TXNDC11: variants seen among roughly 807,000 people sequenced by gnomAD.
TXNDC11 encodes thioredoxin domain-containing protein 11.
TXNDC11 carries 68 observed loss-of-function variants against 78.0 expected under a neutral mutation model. The observed-to-expected ratio is 0.87, with a 90% CI of 0.72 to 1.07. The LOEUF (loss-of-function observed/expected upper bound fraction) is 1.07, where lower values mean the gene tolerates loss of function less well. Ranked by LOEUF, TXNDC11 falls within the 50% of genes least tolerant of loss-of-function variation. The pLI, the probability that TXNDC11 is intolerant of heterozygous loss-of-function variation, is 0.00. For synonymous variants in TXNDC11, 571 were observed against 495.2 expected (o/e 1.15, Z -2.03); for missense variants, 1,389 against 1,221.8 (o/e 1.14, Z -2.04).
chr16:11,702,064 GTA>G (rs1402142137), intron 5 of TXNDC11, among the ~76,000 whole-genome samples: 21 of 137,694 alleles, frequency 1.5e-4, no homozygotes, highest in Admixed American at 4.9e-4. Context: ...TTATGTGTGT[GTA>G]TGTGTGTGTG....
intron 5 of TXNDC11, among the ~76,000 whole-genome samples, chr16:11,712,273 G>T (rs758062628): frequency 1.3e-5 from 2 of 152,138 alleles, no homozygotes; most frequent in Non-Finnish European, 2.9e-5. Flanking sequence ...GCTTCCTGAA[G>T]CCAAGGCACA....
At chr16:11,714,349 C>A (rs2051459996) in intron 5 of TXNDC11, among the ~76,000 whole-genome samples, 1 of 152,150 alleles carries the variant, frequency 6.6e-6, no homozygotes, top group South Asian at 2.1e-4. Context: ...TGTATAAAAT[C>A]TCACCATCTG....
rs760830564 is a variant in TXNDC11, at chr16:11,698,327, T to A, written c.907-2A>T. 4 of 1,612,708 alleles carry A rather than the reference T, an allele frequency of 2.5e-6. No homozygotes were observed. In the Admixed American group the frequency reaches 5.0e-5, roughly 20 times the overall value. On this transcript the variant is annotated splice_acceptor_variant, in intron 6 of 11. Transcript: ENST00000283033. LOFTEE classifies it high-confidence loss of function. ...GTTCAGGACCTCCCTGGGGAAGACC[T>A]GTGAAGGACAAAGGCACAGAGGATA...
chr16:11,699,800 G>A (rs1053721075), intron 6 of TXNDC11, among the ~76,000 whole-genome samples: 4 of 152,238 alleles, frequency 2.6e-5, no homozygotes, highest in African/African-American at 4.8e-5. Context: ...ATGCGAGAGA[G>A]ACAGAATACT....
chr16:11,704,600 A>C (rs1167784776), intron 5 of TXNDC11, among the ~76,000 whole-genome samples: 1 of 152,186 alleles, frequency 6.6e-6, no homozygotes, highest in Non-Finnish European at 1.5e-5. Flanking sequence ...AAGTGCTGAG[A>C]AGTACCTATT....
chr16:11,734,188 G>C, intron 2 of TXNDC11, 109 bp from the exon 3 acceptor site: 1 of 765,126 alleles, frequency 1.3e-6, no homozygotes, highest in Non-Finnish European at 2.2e-6. Context: ...CACTGAAACA[G>C]AAACTATGAA....
intron 3 of TXNDC11, among the ~76,000 whole-genome samples, chr16:11,732,603 C>G (rs2052089046): frequency 6.6e-6 from 1 of 152,056 alleles, no homozygotes; most frequent in African/African-American, 2.4e-5. Flanking sequence ...CTTAGTGGTC[C>G]CTAAGCAAAA....
At chr16:11,688,531 C>G in intron 8 of TXNDC11, 86 bp from the exon 9 acceptor site, 2 of 1,128,876 alleles carry the variant, frequency 1.8e-6, no homozygotes, top group South Asian at 3.3e-5. Flanking sequence ...ATTTTAAAAA[C>G]TCAAATGACT....
intron 4 of TXNDC11, 84 bp downstream of exon 4, chr16:11,730,561 T>C: frequency 1.4e-6 from 2 of 1,453,194 alleles, no homozygotes; most frequent in South Asian, 2.6e-5. Context: ...GGAGGTATTT[T>C]TTTAAACCCC....
intron 4 of TXNDC11, among the ~76,000 whole-genome samples, chr16:11,726,823 G>C (rs2051893567): frequency 1.3e-5 from 2 of 152,250 alleles, no homozygotes; most frequent in Admixed American, 1.3e-4. Flanking sequence ...GGGAGGCTAA[G>C]GTGGGCTGAT....
intron 5 of TXNDC11, among the ~76,000 whole-genome samples, chr16:11,713,698 G>A (rs185528865): frequency 1.1e-3 from 160 of 152,280 alleles, no homozygotes; most frequent in African/African-American, 3.4e-3. Flanking sequence ...TTACAGGTAT[G>A]AGCCACAGCG....
At chr16:11,731,437 G>A (rs7501380) in intron 3 of TXNDC11, among the ~76,000 whole-genome samples, 5,174 of 152,216 alleles carry the variant, frequency 0.034, 127 homozygotes, top group Non-Finnish European at 0.047. Context: ...CCACTATTCA[G>A]TTATCCTCCT....
intron 3 of TXNDC11, among the ~76,000 whole-genome samples, 159 bp downstream of exon 3, chr16:11,733,823 G>A (rs1391128999): frequency 6.6e-6 from 1 of 152,174 alleles, no homozygotes; most frequent in African/African-American, 2.4e-5. Context: ...AAAAAGGGGG[G>A]TGGATTATCC....
intron 6 of TXNDC11, among the ~76,000 whole-genome samples, chr16:11,699,998 C>T (rs764020178): frequency 1.3e-5 from 2 of 152,222 alleles, no homozygotes; most frequent in Admixed American, 6.5e-5. Flanking sequence ...CCATCAACTT[C>T]TCACTGTGAC....
intron 5 of TXNDC11, among the ~76,000 whole-genome samples, chr16:11,715,315 A>G (rs1473738939): frequency 6.6e-6 from 1 of 152,182 alleles, no homozygotes; most frequent in Non-Finnish European, 1.5e-5. Flanking sequence ...TCTACAAAAA[A>G]AAATTGTTGT....
chr16:11,729,757 C>T (rs1193330297), intron 4 of TXNDC11, among the ~76,000 whole-genome samples: 1 of 152,134 alleles, frequency 6.6e-6, no homozygotes, highest in Non-Finnish European at 1.5e-5. Flanking sequence ...TTTCAATAAT[C>T]CCAATACTGG....
chr16:11,695,790 T>A (rs778804810), intron 7 of TXNDC11, among the ~76,000 whole-genome samples: 1 of 152,110 alleles, frequency 6.6e-6, no homozygotes, highest in Admixed American at 6.5e-5. Context: ...CCCAACACTT[T>A]AGGAGGCCAA....
rs1171955131 is a variant in TXNDC11 at position 11,732,506 on chromosome 16, C to A, written c.569+1476G>T. Among the ~76,000 whole-genome samples, 5 of 152,182 alleles carry A rather than the reference C, an allele frequency of 3.3e-5. No homozygotes were observed. The East Asian group carries it at 9.6e-4, about 29-fold the overall frequency. ...TAACTCTGAGAAAGTATTCCTGTAT[C>A]CGAAAAAACCTGTACTTGAACCTTC... On this transcript the variant is annotated intron_variant, in intron 3 of 11. Coordinates refer to ENST00000283033, the MANE Select transcript of TXNDC11 (RefSeq NM_015914.7).
At chr16:11,683,903 A>G (rs992858186) in intron 11 of TXNDC11, among the ~76,000 whole-genome samples, 1 of 151,898 alleles carries the variant, frequency 6.6e-6, no homozygotes, top group African/African-American at 2.4e-5. Flanking sequence ...AGCATATGTC[A>G]CCATGCCTGG....
Sources: gnomAD v4.1 joint callset for allele counts (sites outside exome capture counted in the v4.1 genomes callset) on GRCh38, gnomAD v4.1.1 for gene constraint, MANE v1.5 for transcripts, NCBI Gene and HGNC (gene_info 2026-07-23, HGNC 2026-07-21) for gene names.